The following ADGRL3 variants were observed in gnomAD, a reference collection of about 807,000 sequenced individuals.
ADGRL3 encodes calcium-independent alpha-latrotoxin receptor 3.
Under a neutral mutation model 153.5 loss-of-function variants are expected in ADGRL3, and 62 were observed. The ratio of observed to expected loss-of-function variants is 0.40; its 90% confidence interval spans 0.33 to 0.50. The LOEUF (loss-of-function observed/expected upper bound fraction) is 0.50, where lower values mean the gene tolerates loss of function less well. Among genes scored for constraint, ADGRL3 ranks in the 20% least tolerant of loss-of-function variants. The probability of loss-of-function intolerance (pLI) is 0.47; values close to 1 mark genes in which losing one functional copy is unlikely to be tolerated. For synonymous variants in ADGRL3, 710 were observed against 672.5 expected, an observed-to-expected ratio of 1.06 and a Z score of -0.86; for missense variants, 1,641 against 1,859.4, an observed-to-expected ratio of 0.88 and a Z score of 2.16.
intron 4 of ADGRL3, among the ~76,000 whole-genome samples, chr4:61,583,900 T>A (rs73822688): frequency 0.016 from 2,486 of 152,108 alleles, 67 homozygotes; most frequent in East Asian, 0.13. Context: ...TATTACGTTA[T>A]GAGTCACTCC....
Position 61,261,384 on chromosome 4 carries a change from C to A in ADGRL3, c.-240+59619C>A, listed in dbSNP as rs542047045. Among the ~76,000 whole-genome samples, 146 of 152,138 alleles carry A rather than the reference C, an allele frequency of 9.6e-4. 1 individual carries two copies. The highest frequency in any genetic ancestry group is 3.4e-3 in the African/African-American group (141 of 41,514). On this transcript the variant is annotated intron_variant, in intron 1 of 26. Coordinates refer to ENST00000683033, the MANE Select transcript of ADGRL3 (RefSeq NM_001387552.1). Reference sequence around the variant, plus strand: ...ATGACTTATGCTACCTAATACAAGGCCTACACATTTTTTTCATTTGAGTGG... The same window carrying A: ...ATGACTTATGCTACCTAATACAAGGACTACACATTTTTTTCATTTGAGTGG...
chr4:61,289,092 A>G (rs7671322), intron 1 of ADGRL3, among the ~76,000 whole-genome samples: 6,700 of 152,090 alleles, frequency 0.044, 268 homozygotes, highest in African/African-American at 0.098. Context: ...TCTGTGATGT[A>G]GCACAGCGGA....
At position 61,384,747 on chromosome 4, in the gene ADGRL3, C is replaced by A. The variant is rs1218925592; in HGVS notation, c.-174+1558C>A. Among the ~76,000 whole-genome samples the A allele has an allele frequency of 2.6e-5, 4 of 151,832 alleles. No individual in the cohort carries two copies. The South Asian group carries it at 6.2e-4, about 24-fold the overall frequency. On this transcript the variant is annotated intron_variant, in intron 2 of 26. Transcript: ENST00000683033. ...CCAGTAGAAGCTAATAAACTCTCAG[C>A]CCTAAAGAAATGAAGTAACGATTCA...
chr4:61,655,076 G>A (rs559793321), intron 5 of ADGRL3, among the ~76,000 whole-genome samples: 1 of 152,008 alleles, frequency 6.6e-6, no homozygotes, highest in Non-Finnish European at 1.5e-5. Context: ...ACTATCAGCT[G>A]TATTAAAATA....
At position 62,011,242 on chromosome 4, in the gene ADGRL3, A is replaced by G. The variant is rs116996894; in HGVS notation, c.3395+12977A>G. 4.4e-3 allele frequency among the ~76,000 whole-genome samples: 674 copies of G among 152,280 alleles called. 21 individuals are homozygous for G. In the South Asian group the frequency reaches 0.073, roughly 17 times the overall value. Reference sequence around the variant, plus strand: ...AATGCATACAAATTTATTTATTACAAGTTTTACATGTTATGAGAGCTTTCG... The same window carrying G: ...AATGCATACAAATTTATTTATTACAGGTTTTACATGTTATGAGAGCTTTCG... On this transcript the variant is annotated intron_variant, in intron 21 of 26. Transcript: ENST00000683033.
intron 13 of ADGRL3, among the ~76,000 whole-genome samples, chr4:61,917,188 A>G (rs1211588236): frequency 2.6e-5 from 4 of 152,172 alleles, no homozygotes; most frequent in Non-Finnish European, 5.9e-5. Flanking sequence ...AAGTCTTTCT[A>G]ATTCAGAGGC....
intron 25 of ADGRL3, chr4:62,063,670 G>A (rs1001198111): frequency 1.6e-6 from 1 of 639,936 alleles, no homozygotes; most frequent in Non-Finnish European, 2.9e-6. Context: ...TCAAGTGAGA[G>A]TCCCATTTTA....
intron 1 of ADGRL3, among the ~76,000 whole-genome samples, chr4:61,355,479 T>C (rs2096146102): frequency 6.6e-6 from 1 of 152,110 alleles, no homozygotes; most frequent in Non-Finnish European, 1.5e-5. Flanking sequence ...CTATTGTTCT[T>C]GGTCTGAAAG....
chr4:61,848,059 A>T (rs1328686524), intron 9 of ADGRL3, among the ~76,000 whole-genome samples: 3 of 34,104 alleles, frequency 8.8e-5, no homozygotes, highest in African/African-American at 2.2e-4. Flanking sequence ...AATATATTAT[A>T]TATATAATAT....
rs372715619 is a variant in ADGRL3 at position 61,688,013 on chromosome 4, C to A, written c.583+11078C>A. Among the ~76,000 whole-genome samples, 3 of 151,960 alleles carry A rather than the reference C, an allele frequency of 2.0e-5. No individual in the cohort carries two copies. In the South Asian group the frequency reaches 6.2e-4, roughly 32 times the overall value. On this transcript the variant is annotated intron_variant, in intron 6 of 26. Transcript: ENST00000683033. ...CTGGTTCCTAACTTCCAGAAACATACGGTTTTCTCATCATTCTGTCATCAT... is the reference window on the plus strand; with the variant it reads ...CTGGTTCCTAACTTCCAGAAACATAAGGTTTTCTCATCATTCTGTCATCAT...
intron 5 of ADGRL3, among the ~76,000 whole-genome samples, chr4:61,626,402 C>T (rs563210979): frequency 2.2e-5 from 3 of 133,504 alleles, no homozygotes; most frequent in Non-Finnish European, 4.8e-5. Context: ...CATTTTTCAT[C>T]TCCTCAAACA....
intron 1 of ADGRL3, among the ~76,000 whole-genome samples, chr4:61,244,997 C>T (rs1033909447): frequency 1.3e-5 from 2 of 151,994 alleles, no homozygotes; most frequent in African/African-American, 4.8e-5. Context: ...ATCTCCTTTC[C>T]TTTACTCTTC....
chr4:62,057,571 AC>A (rs1413451705), intron 25 of ADGRL3, among the ~76,000 whole-genome samples: 1 of 152,216 alleles, frequency 6.6e-6, no homozygotes, highest in African/African-American at 2.4e-5. Context: ...AATATGGAAT[AC>A]GAAAATCGGT....
At chr4:61,534,639 T>C (rs1461926472) in intron 4 of ADGRL3, among the ~76,000 whole-genome samples, 1 of 152,122 alleles carries the variant, frequency 6.6e-6, no homozygotes, top group African/African-American at 2.4e-5. Flanking sequence ...GTTCTCCTCG[T>C]AGAGGATTTT....
At chr4:61,465,758 A>AACATATATAT (rs2097872061) in intron 2 of ADGRL3, among the ~76,000 whole-genome samples, 2 of 130,178 alleles carry the variant, frequency 1.5e-5, no homozygotes, top group Non-Finnish European at 3.2e-5. Flanking sequence ...ATTATATATA[A>AACATATATAT]ATATATATAT....
chr4:61,630,368 G>T (rs2093086776), intron 5 of ADGRL3, among the ~76,000 whole-genome samples: 1 of 152,068 alleles, frequency 6.6e-6, no homozygotes, highest in Admixed American at 6.5e-5. Flanking sequence ...CAAGTAATAG[G>T]AACTCAGTAA....
intron 5 of ADGRL3, among the ~76,000 whole-genome samples, chr4:61,598,104 A>G (rs2098996642): frequency 6.6e-6 from 1 of 152,150 alleles, no homozygotes; most frequent in Non-Finnish European, 1.5e-5. Flanking sequence ...TCTAAAGCAA[A>G]CATAGAGCCC....
At chr4:61,759,635 A>C (rs893865612) in intron 8 of ADGRL3, among the ~76,000 whole-genome samples, 2 of 150,204 alleles carry the variant, frequency 1.3e-5, no homozygotes, top group Non-Finnish European at 2.9e-5. Flanking sequence ...TTTAGCTCAG[A>C]GTAGTTTGAT....
At chr4:61,668,649 C>T (rs1258339689) in intron 5 of ADGRL3, among the ~76,000 whole-genome samples, 1 of 152,142 alleles carries the variant, frequency 6.6e-6, no homozygotes, top group Non-Finnish European at 1.5e-5. Context: ...TCTTCATTTA[C>T]ATGCATTGGC....
Sources: gnomAD v4.1 joint callset for allele counts (sites outside exome capture counted in the v4.1 genomes callset) on GRCh38, gnomAD v4.1.1 for gene constraint, MANE v1.5 for transcripts, NCBI Gene and HGNC (gene_info 2026-07-23, HGNC 2026-07-21) for gene names.